Variants in ADARB2 observed in about 807,000 individuals in gnomAD.
ADARB2 encodes adenosine deaminase RNA specific B2 (inactive), also known as inactive double-stranded RNA-specific editase B2.
In ADARB2, 25 loss-of-function variants were observed where a neutral mutation model predicts 62.2. The observed-to-expected ratio is 0.40, with a 90% CI of 0.29 to 0.56. The LOEUF (loss-of-function observed/expected upper bound fraction) is 0.56. Ranked by LOEUF, ADARB2 falls within the 20% of genes least tolerant of loss-of-function variation. ADARB2 has a pLI of 0.43. For synonymous variants in ADARB2, 572 were observed against 500.8 expected (o/e 1.14, Z -1.90); for missense variants, 1,071 against 1,077.4 (o/e 0.99, Z 0.08).
intron 1 of ADARB2, among the ~76,000 whole-genome samples, chr10:1,520,977 C>T (rs1010886014): frequency 1.3e-5 from 2 of 152,106 alleles, no homozygotes; most frequent in Admixed American, 6.5e-5. Context: ...ATTTCAGAAA[C>T]GTCAAATGGG....
chr10:1,224,757 T>G (rs995644407), intron 6 of ADARB2, among the ~76,000 whole-genome samples: 36 of 152,006 alleles, frequency 2.4e-4, no homozygotes, highest in African/African-American at 7.9e-4. Context: ...TCTTTCTAGT[T>G]TGATTGCACT....
At chr10:1,504,298 G>A (rs1203717894) in intron 1 of ADARB2, among the ~76,000 whole-genome samples, 1 of 152,172 alleles carries the variant, frequency 6.6e-6, no homozygotes, top group African/African-American at 2.4e-5. Context: ...TTTCTTCACA[G>A]CCCACAAGCC....
At chr10:1,524,093 G>GATAT (rs137907309) in intron 1 of ADARB2, among the ~76,000 whole-genome samples, 1 of 152,124 alleles carries the variant, frequency 6.6e-6, no homozygotes, top group Non-Finnish European at 1.5e-5. Flanking sequence ...TAGATAGATA[G>GATAT]ATAGATAGAT....
At chr10:1,293,463 A>G (rs973281399) in intron 3 of ADARB2, among the ~76,000 whole-genome samples, 9 of 152,146 alleles carry the variant, frequency 5.9e-5, no homozygotes, top group Non-Finnish European at 1.2e-4. Context: ...TTTAAAAGCT[A>G]TTAATCAGTT....
At chr10:1,569,001 T>TGA (rs550125584) in intron 1 of ADARB2, among the ~76,000 whole-genome samples, 231 of 150,936 alleles carry the variant, frequency 1.5e-3, no homozygotes, top group African/African-American at 5.4e-3. Flanking sequence ...GGCGAGATGG[T>TGA]GAGAGAGAGA....
At chr10:1,558,316 AC>A (rs1832735204) in intron 1 of ADARB2, among the ~76,000 whole-genome samples, 1 of 51,730 alleles carries the variant, frequency 1.9e-5, no homozygotes, top group African/African-American at 7.8e-5. Context: ...GCCCCCACGC[AC>A]CCCATCTAAA....
intron 4 of ADARB2, among the ~76,000 whole-genome samples, chr10:1,248,955 A>G (rs867023407): frequency 2.6e-5 from 4 of 152,184 alleles, no homozygotes; most frequent in Middle Eastern, 3.2e-3. Flanking sequence ...TAAAGACAAG[A>G]GAAGCCTTCG....
chr10:1,560,275 G>T (rs1388993850), intron 1 of ADARB2, among the ~76,000 whole-genome samples: 2 of 152,188 alleles, frequency 1.3e-5, no homozygotes, highest in Non-Finnish European at 2.9e-5. Context: ...AAGAGGTCAG[G>T]AGTGATTAAT....
At chr10:1,320,326 G>T (rs1831783668) in intron 3 of ADARB2, among the ~76,000 whole-genome samples, 1 of 152,186 alleles carries the variant, frequency 6.6e-6, no homozygotes, top group Non-Finnish European at 1.5e-5. Flanking sequence ...TTTTAAAAGG[G>T]TGAAGGCAGT....
chr10:1,544,014 C>CA (rs1832479651), intron 1 of ADARB2, among the ~76,000 whole-genome samples: 1 of 19,420 alleles, frequency 5.1e-5, no homozygotes, highest in Non-Finnish European at 1.4e-4. Context: ...AAAAAAAAAA[C>CA]AAACAAAAAA....
intron 1 of ADARB2, among the ~76,000 whole-genome samples, chr10:1,458,745 G>C (rs983943614): frequency 2.0e-5 from 3 of 152,158 alleles, no homozygotes; most frequent in African/African-American, 7.2e-5. Context: ...CATGGGGAAG[G>C]CTTCTGTAAA....
intron 1 of ADARB2, among the ~76,000 whole-genome samples, chr10:1,736,542 A>G (rs1835302354): frequency 6.6e-6 from 1 of 152,268 alleles, no homozygotes; most frequent in Admixed American, 6.5e-5. Context: ...AATGTTTACA[A>G]ATCGACGGGC....
In ADARB2 at chr10:1,398,515, G is replaced by A. The variant is rs954713287; in HGVS notation, c.101-19355C>T. Among the ~76,000 whole-genome samples the A allele has an allele frequency of 1.3e-5, 2 of 152,236 alleles. No individual in the cohort carries two copies. Among genetic ancestry groups the A allele is most frequent in the African/African-American group, 2.4e-5 (1 of 41,466 alleles). On this transcript the variant is annotated intron_variant, in intron 1 of 9. Coordinates refer to ENST00000381312, the MANE Select transcript of ADARB2 (RefSeq NM_018702.4). This position sits in a 1 kb window ranked among gnomAD's most constrained non-coding sequence, Gnocchi z 4.1. Reference sequence around the variant, plus strand: ...CTCCAGTGAAGACCCCTCTCCAGGAGCCCCTAACCCCAGTTCCAGATAAAC... The same window carrying A: ...CTCCAGTGAAGACCCCTCTCCAGGAACCCCTAACCCCAGTTCCAGATAAAC...
intron 1 of ADARB2, among the ~76,000 whole-genome samples, chr10:1,450,908 GC>G (rs1831028206): frequency 6.6e-6 from 1 of 152,222 alleles, no homozygotes; most frequent in Non-Finnish European, 1.5e-5. Flanking sequence ...GACCCCACTG[GC>G]CCTCACCATA....
At chr10:1,573,267 G>C (rs1421354989) in intron 1 of ADARB2, among the ~76,000 whole-genome samples, 1 of 152,172 alleles carries the variant, frequency 6.6e-6, no homozygotes, top group Non-Finnish European at 1.5e-5. Context: ...AGGACAGCTT[G>C]GATGAGCCCC....
chr10:1,326,786 T>TGCCCAGCGCCTCCCCACG (rs1304308884), intron 3 of ADARB2, among the ~76,000 whole-genome samples: 49 of 54,352 alleles, frequency 9.0e-4, no homozygotes, highest in Middle Eastern at 0.022. Flanking sequence ...CCCTCCTCAC[T>TGCCCAGCGCCTCCCCACG]GCCCAGCGCC....
chr10:1,643,742 G>T (rs1564356154), intron 1 of ADARB2, among the ~76,000 whole-genome samples: 1 of 152,092 alleles, frequency 6.6e-6, no homozygotes, highest in Non-Finnish European at 1.5e-5. Flanking sequence ...CCAAAATCAA[G>T]TTTTTTTCTT....
At chr10:1,471,210 A>G (rs1273177396) in intron 1 of ADARB2, among the ~76,000 whole-genome samples, 1 of 152,162 alleles carries the variant, frequency 6.6e-6, no homozygotes, top group Non-Finnish European at 1.5e-5. Flanking sequence ...CACTCCAGAG[A>G]GGTTTTCTTC....
chr10:1,465,359 G>A (rs1831240919), intron 1 of ADARB2, among the ~76,000 whole-genome samples: 1 of 152,238 alleles, frequency 6.6e-6, no homozygotes, highest in Admixed American at 6.5e-5. Flanking sequence ...TTTCCTGTGT[G>A]TTAACGATAC....
Sources: allele counts gnomAD v4.1 joint callset (sites outside exome capture counted in the v4.1 genomes callset), GRCh38; gene constraint gnomAD v4.1.1; non-coding constraint Gnocchi (gnomAD v3.1); transcripts MANE v1.5; gene names NCBI Gene and HGNC (gene_info 2026-07-23, HGNC 2026-07-21).